The following BZW2 variants were observed in gnomAD, a reference collection of about 807,000 sequenced individuals.
BZW2 encodes eIF5-mimic protein 1.
A neutral mutation model predicts 53.2 loss-of-function variants in BZW2; 23 were observed. The ratio of observed to expected loss-of-function variants is 0.43; its 90% CI spans 0.31 to 0.61. The LOEUF is 0.61. BZW2 is among the 20% of genes least tolerant of loss of function. The pLI, the probability that BZW2 is intolerant of heterozygous loss-of-function variation, is 0.09. For missense variants in BZW2, 409 were observed against 503.1 expected (o/e 0.81, Z 1.79); for synonymous variants, 227 against 186.4 (o/e 1.22, Z -1.77).
In BZW2 at chr7:16,675,514, G is replaced by T. The variant is rs964295663; in HGVS notation, c.235+926G>T. On this transcript the variant is annotated intron_variant, in intron 3 of 11. Transcript: ENST00000258761. ...ATGTGCATACATTCCTCCATCTTGA[G>T]GTGGAACTGCCCGTAAATTCCTTTT... is the stretch of plus-strand genomic sequence containing the variant. 2.6e-5 allele frequency among the ~76,000 whole-genome samples: 4 copies of T among 152,166 alleles called. No individual in the cohort carries two copies. The East Asian group carries it at 5.8e-4, about 22-fold the overall frequency.
intron 1 of BZW2, among the ~76,000 whole-genome samples, chr7:16,656,053 T>A (rs1159810235): frequency 2.0e-5 from 3 of 151,866 alleles, no homozygotes; most frequent in African/African-American, 7.3e-5. Context: ...ATACTCCAAC[T>A]TCTTAGGTTG....
chr7:16,694,699 T>C, intron 7 of BZW2, 135 bp from the exon 8 acceptor site: 1 of 708,014 alleles, frequency 1.4e-6, no homozygotes, highest in Non-Finnish European at 2.1e-6. Flanking sequence ...TACCAGAGAT[T>C]TGTTGTTTTG....
At chr7:16,697,381 C>T (rs377682841) in intron 9 of BZW2, among the ~76,000 whole-genome samples, 5 of 152,208 alleles carry the variant, frequency 3.3e-5, no homozygotes, top group East Asian at 3.9e-4. Flanking sequence ...TGAGCCACCA[C>T]GCCGGGCCCA....
At chr7:16,663,307 C>A (rs532543351) in intron 1 of BZW2, among the ~76,000 whole-genome samples, 5 of 152,250 alleles carry the variant, frequency 3.3e-5, no homozygotes, top group African/African-American at 4.8e-5. Flanking sequence ...TGAATTTTAT[C>A]CTTCCTAGTG....
At chr7:16,685,401 G>A (rs74896068) in intron 5 of BZW2, among the ~76,000 whole-genome samples, 3,027 of 150,886 alleles carry the variant, frequency 0.02, 98 homozygotes, top group African/African-American at 0.069. Context: ...GCTTAACTTC[G>A]ACTCTTTCCT....
chr7:16,652,772 G>A lies in BZW2; in HGVS notation c.-8+6484G>A, dbSNP rs187042137. Among the ~76,000 whole-genome samples, 325 of 152,284 alleles carry A rather than the reference G, an allele frequency of 2.1e-3. 1 individual carries two copies. Among genetic ancestry groups the A allele is most frequent in the African/African-American group, 7.3e-3 (303 of 41,566 alleles). On this transcript the variant is annotated intron_variant, in intron 1 of 11. Transcript: ENST00000258761. ...ACACCTGACCTCAGGTGATTCGCCC[G>A]CCTTGGCTTCCCAAAGTGCTGGGAT...
At chr7:16,653,335 C>T (rs1007439032) in intron 1 of BZW2, among the ~76,000 whole-genome samples, 60 of 152,102 alleles carry the variant, frequency 3.9e-4, no homozygotes, top group African/African-American at 1.4e-3. Flanking sequence ...TAAAAATCCT[C>T]TGAAGAGAGG....
chr7:16,659,572 T>C (rs1782199545), intron 1 of BZW2, among the ~76,000 whole-genome samples: 1 of 152,196 alleles, frequency 6.6e-6, no homozygotes, highest in Admixed American at 6.5e-5. Flanking sequence ...GATTTTATGT[T>C]ACTTGTTCTT....
rs112462717 is a variant in BZW2, at chr7:16,697,113, T to TTTTGTTTG, written c.969+69_969+76dup. The TTTTGTTTG allele has an allele frequency of 1.1e-3, 1,696 of 1,569,802 alleles. 14 individuals carry two copies. The African/African-American group carries it at 0.02, about 18-fold the overall frequency. On this transcript the variant is annotated intron_variant, in intron 9 of 11. Transcript: ENST00000258761. ...CCAGCCAAGGGCAAACTGCAGCTTTTTTTGTTTGTTTGTTTGTTTGTTTGA... is the reference window on the plus strand; with the variant it reads ...CCAGCCAAGGGCAAACTGCAGCTTTTTTTGTTTGTTTGTTTGTTTGTTTGTTTGTTTGA...
chr7:16,696,865 G>A (rs1783509633), intron 8 of BZW2, 50 bp from the exon 9 acceptor site: 3 of 1,591,218 alleles, frequency 1.9e-6, no homozygotes, highest in Middle Eastern at 1.7e-4. Context: ...GGGGAGATGG[G>A]AGCCCTCCAT....
At chr7:16,683,050 C>G (rs185985834) in intron 5 of BZW2, among the ~76,000 whole-genome samples, 49 of 151,996 alleles carry the variant, frequency 3.2e-4, no homozygotes, top group South Asian at 1.5e-3. Flanking sequence ...ACAAAAATTA[C>G]CCGGGCATGG....
At chr7:16,659,171 G>A (rs1782191150) in intron 1 of BZW2, among the ~76,000 whole-genome samples, 2 of 151,948 alleles carry the variant, frequency 1.3e-5, no homozygotes, top group Admixed American at 6.6e-5. Context: ...TTTAATGGTG[G>A]ACTCTTTACT....
At chr7:16,689,671 CTT>C in intron 6 of BZW2, 124 bp from the exon 7 acceptor site, 1 of 674,228 alleles carries the variant, frequency 1.5e-6, no homozygotes, top group South Asian at 2.6e-5. Context: ...GGTCTATTGA[CTT>C]TTCATTTGTA....
At chr7:16,695,309 A>G (rs112859738) in intron 8 of BZW2, among the ~76,000 whole-genome samples, 3 of 152,246 alleles carry the variant, frequency 2.0e-5, no homozygotes, top group East Asian at 1.9e-4. Flanking sequence ...CACTATCAGT[A>G]TAGCCCATTA....
intron 1 of BZW2, among the ~76,000 whole-genome samples, chr7:16,657,568 G>C (rs1782152969): frequency 6.6e-6 from 1 of 152,114 alleles, no homozygotes. Context: ...AATTGCATAA[G>C]ATGTAAAATT....
chr7:16,684,881 C>A (rs747715565), intron 5 of BZW2, among the ~76,000 whole-genome samples: 2 of 152,162 alleles, frequency 1.3e-5, no homozygotes, highest in Non-Finnish European at 2.9e-5. Flanking sequence ...TCCTTCAATT[C>A]TTGGGGAATA....
intron 3 of BZW2, among the ~76,000 whole-genome samples, chr7:16,677,972 G>A (rs1485007319): frequency 6.6e-6 from 1 of 151,916 alleles, no homozygotes; most frequent in Non-Finnish European, 1.5e-5. Context: ...TACTGAGTCC[G>A]GACATGTGAC....
At chr7:16,664,670 C>T (rs1447079712) in intron 1 of BZW2, among the ~76,000 whole-genome samples, 1 of 152,194 alleles carries the variant, frequency 6.6e-6, no homozygotes, top group African/African-American at 2.4e-5. Context: ...CGTGGTGTTC[C>T]ACTTGGTGCC....
intron 3 of BZW2, among the ~76,000 whole-genome samples, chr7:16,678,729 A>C (rs1242527343): frequency 6.6e-6 from 1 of 152,056 alleles, no homozygotes; most frequent in Non-Finnish European, 1.5e-5. Flanking sequence ...CCAATATTTC[A>C]ACGTGGGTTC....
Sources: allele counts gnomAD v4.1 joint callset (sites outside exome capture counted in the v4.1 genomes callset), GRCh38; gene constraint gnomAD v4.1.1; transcripts MANE v1.5; gene names NCBI Gene and HGNC (gene_info 2026-07-23, HGNC 2026-07-21).